Variants in SERPING1 observed in about 807,000 individuals in gnomAD.
SERPING1 encodes plasma protease C1 inhibitor.
SERPING1 carries 5 observed loss-of-function variants against 34.1 expected under a neutral mutation model. The observed-to-expected ratio is 0.15, with a 90% CI of 0.08 to 0.31. The LOEUF (loss-of-function observed/expected upper bound fraction) is 0.31. SERPING1 is among the 10% of genes least tolerant of loss of function. The pLI is 1.00. For synonymous variants in SERPING1, 225 were observed against 242.4 expected (o/e 0.93, Z 0.67); for missense variants, 505 against 609.5 (o/e 0.83, Z 1.81).
chr11:57,612,449 G>A (rs895391953), intron 7 of SERPING1, among the ~76,000 whole-genome samples: 1 of 149,588 alleles, frequency 6.7e-6, no homozygotes, highest in African/African-American at 2.5e-5. Context: ...TGTCACCCAG[G>A]ACAGGCTGGA....
In SERPING1 at chr11:57,614,431, G is replaced by A. The variant is rs1438203370; in HGVS notation, c.1353G>A (p.Glu451=). 1 of 1,614,158 alleles carries A rather than the reference G, an allele frequency of 6.2e-7. No homozygotes were observed. The highest frequency in any genetic ancestry group is 1.7e-5 in the Admixed American group (1 of 60,028). Residue 451 remains glutamate, a synonymous_variant, in exon 8 of 8, where the codon GAG becomes GAA. Transcript: ENST00000278407. The part of the protein sequence containing the change: ...MQHQTVLELT[E]TGVEAAAASA... ...ACCAGACAGTGCTGGAACTGACAGA[G>A]ACTGGGGTGGAGGCGGCTGCAGCCT...
intron 4 of SERPING1, among the ~76,000 whole-genome samples, chr11:57,602,513 T>C (rs1374181133): frequency 6.6e-6 from 1 of 151,812 alleles, no homozygotes; most frequent in Non-Finnish European, 1.5e-5. Flanking sequence ...TCCCAGCACT[T>C]TGGGAGGCCG....
chr11:57,611,167 G>A (rs2454660), intron 6 of SERPING1: 61,867 of 160,138 alleles, frequency 0.39, 12,352 homozygotes, highest in African/African-American at 0.42. Flanking sequence ...TCTTGACCTC[G>A]TGATCCGCCC....
At position 57,600,027 on chromosome 11, in the gene SERPING1, C is replaced by T; in HGVS notation, c.200C>T (p.Thr67Ile). Reference protein sequence around the residue: ...EPILEVSSLPTTNSTTNSATK... With the variant: ...EPILEVSSLPITNSTTNSATK... ...ATCCTGGAGGTTTCCAGCTTGCCGA[C>T]AACCAACTCAACAACCAATTCAGCC... Residue 67 changes from threonine (T) to isoleucine (I), a missense_variant, in exon 3 of 8, where the codon ACA becomes ATA. Coordinates refer to ENST00000278407, the MANE Select transcript of SERPING1 (RefSeq NM_000062.3). 1 of 1,614,100 alleles carries T rather than the reference C, an allele frequency of 6.2e-7. No homozygotes were observed. The highest frequency in any genetic ancestry group is 8.5e-7 in the Non-Finnish European group (1 of 1,180,018).
Position 57,609,894 on chromosome 11 carries a change from G to A in SERPING1, c.1030-1823G>A, listed in dbSNP as rs1945460577. 3.9e-5 allele frequency among the ~76,000 whole-genome samples: 6 copies of A among 152,292 alleles called. No individual in the cohort carries two copies. The South Asian group carries it at 1.2e-3, about 32-fold the overall frequency. On this transcript the variant is annotated intron_variant, in intron 6 of 7. Coordinates refer to ENST00000278407, the MANE Select transcript of SERPING1 (RefSeq NM_000062.3). The stretch of plus-strand genomic sequence containing the variant: ...CAGTCCTCCCACCCTAGCCTCTTAA[G>A]TAGCTGAGATTCCAGGCATGAGCCA...
At chr11:57,610,784 C>G (rs972562751) in intron 6 of SERPING1, among the ~76,000 whole-genome samples, 2 of 152,186 alleles carry the variant, frequency 1.3e-5, no homozygotes, top group Admixed American at 1.3e-4. Context: ...CTCCTTGCCC[C>G]CTGCCAGCTA....
chr11:57,605,808 C>G, intron 4 of SERPING1: 1 of 643,694 alleles, frequency 1.6e-6, no homozygotes, highest in African/African-American at 1.8e-5. Flanking sequence ...GGGGCTACTT[C>G]TCTTGTTCTT....
At chr11:57,608,016 C>T (rs1313579178) in intron 6 of SERPING1, among the ~76,000 whole-genome samples, 1 of 152,184 alleles carries the variant, frequency 6.6e-6, no homozygotes, top group African/African-American at 2.4e-5. Context: ...TGGACTTATC[C>T]ACCCATCTAT....
At chr11:57,600,851 T>A (rs1013136981) in intron 3 of SERPING1, among the ~76,000 whole-genome samples, 1 of 151,452 alleles carries the variant, frequency 6.6e-6, no homozygotes, top group Non-Finnish European at 1.5e-5. Flanking sequence ...CTTGGGCAGC[T>A]GAGGCAGGAG....
intron 6 of SERPING1, among the ~76,000 whole-genome samples, chr11:57,610,427 A>G (rs2135323056): frequency 6.6e-6 from 1 of 152,326 alleles, no homozygotes; most frequent in South Asian, 2.1e-4. Context: ...TCAAATGAGT[A>G]TATCCAACTT....
rs1267639461 is a variant in SERPING1, at chr11:57,611,752, G to C, written c.1065G>C (p.Leu355Phe). The change falls in exon 7 of 8, where the codon TTG becomes TTC. Residue 355 changes from leucine to phenylalanine, a missense_variant. Leu to Phe is a conservative substitution (Grantham distance 22, BLOSUM62 0). Coordinates refer to ENST00000278407, the MANE Select transcript of SERPING1 (RefSeq NM_000062.3). ...GQLQLSHNLS[L>F]VILVPQNLKH... ...TGCAGCTCTCCCACAATCTGAGTTT[G>C]GTGATCCTGGTACCCCAGAACCTGA... 1 of 1,614,204 alleles carries C rather than the reference G, an allele frequency of 6.2e-7. No individual in the cohort carries two copies. The highest frequency in any genetic ancestry group is 8.5e-7 in the Non-Finnish European group (1 of 1,180,032).
chr11:57,612,022 A>AT, intron 7 of SERPING1, 86 bp downstream of exon 7: 3 of 1,123,386 alleles, frequency 2.7e-6, no homozygotes, highest in Non-Finnish European at 4.1e-6. Flanking sequence ...TCTCTAGAGT[A>AT]TTTTTTACAT....
At chr11:57,602,004 A>G in intron 3 of SERPING1, 31 bp from the exon 4 acceptor site, 1 of 1,613,998 alleles carries the variant, frequency 6.2e-7, no homozygotes, top group Non-Finnish European at 8.5e-7. Flanking sequence ...CTCATCCTGC[A>G]AGTATCTTTC....
intron 3 of SERPING1, among the ~76,000 whole-genome samples, chr11:57,600,737 G>T (rs1307745402): frequency 2.0e-5 from 3 of 152,074 alleles, no homozygotes; most frequent in African/African-American, 7.2e-5. Flanking sequence ...GATCACCTGA[G>T]GTCAGGAGTT....
intron 4 of SERPING1, 65 bp downstream of exon 4, chr11:57,602,234 C>A: frequency 6.3e-7 from 1 of 1,582,564 alleles, no homozygotes; most frequent in South Asian, 1.1e-5. Context: ...AAGGGGGACC[C>A]AGCGCTGGGG....
intron 6 of SERPING1, among the ~76,000 whole-genome samples, chr11:57,607,246 TC>T (rs1399078341): frequency 1.3e-5 from 2 of 152,202 alleles, no homozygotes; most frequent in Non-Finnish European, 2.9e-5. Flanking sequence ...TTGGGAGCTT[TC>T]CTTAGCTTTT....
At chr11:57,601,138 C>T (rs1945343361) in intron 3 of SERPING1, among the ~76,000 whole-genome samples, 1 of 151,926 alleles carries the variant, frequency 6.6e-6, no homozygotes, top group Non-Finnish European at 1.5e-5. Flanking sequence ...CGGTGGTTCA[C>T]ACCTGTAATC....
At chr11:57,613,404 A>G (rs1050997562) in intron 7 of SERPING1, among the ~76,000 whole-genome samples, 6 of 152,224 alleles carry the variant, frequency 3.9e-5, no homozygotes, top group Admixed American at 3.3e-4. Context: ...CAGACCAACC[A>G]GCTATAATTT....
chr11:57,601,885 A>AGT, intron 3 of SERPING1, 150 bp from the exon 4 acceptor site: 4 of 504,402 alleles, frequency 7.9e-6, no homozygotes, highest in East Asian at 4.0e-5. Context: ...AAAAAAAGAG[A>AGT]GATTGAGAGA....
Sources: allele counts gnomAD v4.1 joint callset (sites outside exome capture counted in the v4.1 genomes callset), GRCh38; gene constraint gnomAD v4.1.1; transcripts MANE v1.5; gene names NCBI Gene and HGNC (gene_info 2026-07-23, HGNC 2026-07-21).